The following GFRA1 variants were observed in gnomAD, a reference collection of about 807,000 sequenced individuals.
The protein encoded by GFRA1 is GDNF family receptor alpha-1.
Under a neutral mutation model 51.6 loss-of-function variants are expected in GFRA1, and 16 were observed. The observed-to-expected ratio is 0.31, with a 90% CI of 0.21 to 0.47. GFRA1 has a LOEUF of 0.47. Ranked by LOEUF, GFRA1 falls within the 20% of genes least tolerant of loss-of-function variation. The pLI, the probability that GFRA1 is intolerant of heterozygous loss-of-function variation, is 1.00. For missense variants in GFRA1, 530 were observed against 594.3 expected, an observed-to-expected ratio of 0.89 and a Z score of 1.13; for synonymous variants, 270 against 241.3, an observed-to-expected ratio of 1.12 and a Z score of -1.10.
chr10:116,205,360 G>A (rs1254356130), intron 5 of GFRA1, among the ~76,000 whole-genome samples: 2 of 151,952 alleles, frequency 1.3e-5, no homozygotes, highest in Non-Finnish European at 2.9e-5. Context: ...GGTGGATCAC[G>A]AGGTCAGGAG....
intron 1 of GFRA1, 56 bp downstream of exon 1, chr10:116,273,107 C>T (rs1844080460): frequency 6.6e-6 from 1 of 152,042 alleles, no homozygotes; most frequent in African/African-American, 2.4e-5. Flanking sequence ...GGAAGAGGGA[C>T]GGGAAGCGGC....
Position 116,091,133 on chromosome 10 carries a change from T to A in GFRA1, c.1016-1211A>T, listed in dbSNP as rs561033591. Among the ~76,000 whole-genome samples, 12 of 152,336 alleles carry A rather than the reference T, an allele frequency of 7.9e-5. No homozygotes were observed. In the East Asian group the frequency reaches 2.3e-3, roughly 29 times the overall value. On this transcript the variant is annotated intron_variant, in intron 8 of 10. Coordinates refer to ENST00000355422, the MANE Select transcript of GFRA1 (RefSeq NM_005264.8). ...CTTAAAACATGTAGATTCAAGAGAC[T>A]CACAGTTTCTTGCAACTACCTGTGC...
At chr10:116,064,618 TC>T (rs1565547813) in intron 10 of GFRA1, 74 bp from the exon 11 acceptor site, 3 of 1,330,284 alleles carry the variant, frequency 2.3e-6, no homozygotes, top group Non-Finnish European at 2.2e-6. Context: ...ACACTCTCTC[TC>T]CCCCCGACTC....
chr10:116,236,542 A>G (rs996209469), intron 4 of GFRA1, among the ~76,000 whole-genome samples: 2 of 152,208 alleles, frequency 1.3e-5, no homozygotes, highest in African/African-American at 4.8e-5. Context: ...AAAAAGAGAA[A>G]AAGATTAGAA....
At chr10:116,079,063 G>A (rs1231407343) in intron 9 of GFRA1, among the ~76,000 whole-genome samples, 1 of 152,040 alleles carries the variant, frequency 6.6e-6, no homozygotes, top group African/African-American at 2.4e-5. Context: ...TCTCTGCAGG[G>A]TAATCATCCA....
chr10:116,196,007 A>G (rs1185395041), intron 5 of GFRA1, among the ~76,000 whole-genome samples: 1 of 152,158 alleles, frequency 6.6e-6, no homozygotes, highest in African/African-American at 2.4e-5. Context: ...ACCTGATTCA[A>G]TAACACCTGG....
At chr10:116,253,066 C>G (rs1464109855) in intron 4 of GFRA1, among the ~76,000 whole-genome samples, 1 of 152,180 alleles carries the variant, frequency 6.6e-6, no homozygotes, top group Non-Finnish European at 1.5e-5. Context: ...TGAGTTATGG[C>G]CAGGATATCT....
chr10:116,218,376 G>A (rs749490250), intron 4 of GFRA1, among the ~76,000 whole-genome samples: 62 of 152,328 alleles, frequency 4.1e-4, no homozygotes, highest in Non-Finnish European at 8.1e-4. Context: ...GCACTGCAAA[G>A]AGAGCTGTTC....
At chr10:116,146,814 T>C (rs1194526737) in intron 5 of GFRA1, among the ~76,000 whole-genome samples, 1 of 152,194 alleles carries the variant, frequency 6.6e-6, no homozygotes. Context: ...AAAGCGACAG[T>C]GATCTTCACC....
intron 5 of GFRA1, 44 bp from the exon 6 acceptor site, chr10:116,125,601 C>G: frequency 2.7e-6 from 4 of 1,458,186 alleles, no homozygotes; most frequent in Non-Finnish European, 3.8e-6. Context: ...GTGCTCGGCT[C>G]TGTGTTCTCA....
At chr10:116,225,658 C>T (rs1266761410) in intron 4 of GFRA1, among the ~76,000 whole-genome samples, 1 of 147,906 alleles carries the variant, frequency 6.8e-6, no homozygotes, top group African/African-American at 2.5e-5. Flanking sequence ...GGTGTGATCT[C>T]GGCTCATAGC....
At chr10:116,226,017 C>T (rs931282885) in intron 4 of GFRA1, among the ~76,000 whole-genome samples, 3 of 152,162 alleles carry the variant, frequency 2.0e-5, no homozygotes, top group Admixed American at 6.5e-5. Context: ...TGGTCTAGTA[C>T]TGATCTTTAA....
chr10:116,239,555 A>C (rs1464853479), intron 4 of GFRA1, among the ~76,000 whole-genome samples: 2 of 152,232 alleles, frequency 1.3e-5, no homozygotes, highest in Non-Finnish European at 2.9e-5. Flanking sequence ...TTAAATAAAG[A>C]AAGCCAGATA....
In GFRA1 at chr10:116,105,165, A is replaced by G. The variant is rs569157789; in HGVS notation, c.771-8401T>C. 3.9e-5 allele frequency among the ~76,000 whole-genome samples: 6 copies of G among 152,380 alleles called. No homozygotes were observed. In the South Asian group the frequency reaches 6.2e-4, roughly 16 times the overall value. On this transcript the variant is annotated intron_variant, in intron 6 of 10. Coordinates refer to ENST00000355422, the MANE Select transcript of GFRA1 (RefSeq NM_005264.8). ...AAGTTTTGTGGATGATGAAAGGATC[A>G]TAAAGCTCTCAGATATTCAGTGGGA...
intron 9 of GFRA1, among the ~76,000 whole-genome samples, chr10:116,079,023 G>C (rs1434826713): frequency 1.3e-5 from 2 of 152,024 alleles, no homozygotes; most frequent in Non-Finnish European, 2.9e-5. Flanking sequence ...ATCCACTATG[G>C]TCGTTGGGCA....
intron 6 of GFRA1, among the ~76,000 whole-genome samples, chr10:116,097,345 A>G (rs1565573103): frequency 6.6e-6 from 1 of 152,170 alleles, no homozygotes; most frequent in Admixed American, 6.5e-5. Context: ...TTTGGGGAAC[A>G]GAAGGGGAAG....
chr10:116,064,998 G>T (rs1955031893), intron 10 of GFRA1, among the ~76,000 whole-genome samples: 1 of 152,136 alleles, frequency 6.6e-6, no homozygotes, highest in Admixed American at 6.5e-5. Context: ...GTTGCTGGGA[G>T]AACTAAACCA....
Position 116,261,623 on chromosome 10 carries a change from T to C in GFRA1, c.418+7880A>G, listed in dbSNP as rs72837834. Reference sequence around the variant, plus strand: ...ATTCTAGTTCAAAGTAAGGTATACATTGAATAAATCATACTTTATAAAGGT... The same window carrying C: ...ATTCTAGTTCAAAGTAAGGTATACACTGAATAAATCATACTTTATAAAGGT... On this transcript the variant is annotated intron_variant, in intron 4 of 10. Coordinates refer to ENST00000355422, the MANE Select transcript of GFRA1 (RefSeq NM_005264.8). Among the ~76,000 whole-genome samples, 291 of 152,324 alleles carry C rather than the reference T, an allele frequency of 1.9e-3. 2 individuals are homozygous for C. Among genetic ancestry groups the C allele is most frequent in the Admixed American group, 2.9e-3 (44 of 15,304 alleles).
At chr10:116,070,203 A>G (rs1955315471) in intron 9 of GFRA1, among the ~76,000 whole-genome samples, 1 of 152,196 alleles carries the variant, frequency 6.6e-6, no homozygotes, top group South Asian at 2.1e-4. Context: ...GATTTGCTAT[A>G]TTAGGAACCT....
Sources: allele counts gnomAD v4.1 joint callset (sites outside exome capture counted in the v4.1 genomes callset), GRCh38; gene constraint gnomAD v4.1.1; transcripts MANE v1.5; gene names NCBI Gene and HGNC (gene_info 2026-07-23, HGNC 2026-07-21).